Variants in PEX26 observed in about 807,000 individuals in gnomAD.
PEX26 encodes the protein peroxisomal biogenesis factor 26, also known as peroxisome assembly protein 26.
PEX26 carries 18 observed loss-of-function variants against 31.4 expected under a neutral mutation model. The observed-to-expected ratio is 0.57, with a 90% CI of 0.40 to 0.85. PEX26 has a LOEUF of 0.85. PEX26 is among the 40% of genes least tolerant of loss of function. The pLI is 0.00. For synonymous variants in PEX26, 176 were observed against 166.9 expected (o/e 1.05, Z -0.42); for missense variants, 377 against 383.9 (o/e 0.98, Z 0.15).
Position 18,088,114 on chromosome 22 carries a change from C to G in PEX26, c.*39C>G, listed in dbSNP as rs779384079. On this transcript the variant is annotated 3_prime_UTR_variant, in exon 5 of 5. Coordinates refer to ENST00000399744, the MANE Select transcript of PEX26 (RefSeq NM_001127649.3). This position sits in a 1 kb window ranked among gnomAD's most constrained non-coding sequence, Gnocchi z 4.1. ...CCACAGCCTCTCTGCTCCTCACGTC[C>G]GTGGCCACAGAAGCAGAGCGACAGA... 2 of 1,343,694 alleles carry G rather than the reference C, an allele frequency of 1.5e-6. No individual in the cohort carries two copies. The highest frequency in any genetic ancestry group is 1.4e-5 in the African/African-American group (1 of 69,756). The allele number at this position is 1,343,694 out of a possible 1,614,324, so 83.2% of individuals were successfully genotyped here. A position where few individuals can be genotyped will look rare whatever the true frequency, so the allele number is the denominator to read the frequency against.
At chr22:18,083,401 T>C in intron 2 of PEX26, 36 bp from the exon 3 acceptor site, 2 of 1,608,140 alleles carry the variant, frequency 1.2e-6, no homozygotes, top group African/African-American at 1.3e-5. Context: ...GCACTGACTC[T>C]TCTTTTGTTG....
chr22:18,079,173 A>G (rs3747036), intron 1 of PEX26: 7 of 980,730 alleles, frequency 7.1e-6, no homozygotes, highest in Middle Eastern at 5.2e-4. Flanking sequence ...CTTCTCTACC[A>G]AAAAGAAGAA....
rs1196003174 is a variant in PEX26, at chr22:18,103,757, G to A, written c.*15682G>A. 1 of 152,566 alleles carries A rather than the reference G, an allele frequency of 6.6e-6. No homozygotes were observed. Among genetic ancestry groups the A allele is most frequent in the Non-Finnish European group, 1.5e-5 (1 of 68,318 alleles). 9.5% of individuals were successfully genotyped at this position (152,566 alleles called of 1,614,324 possible). A position where few individuals can be genotyped will look rare whatever the true frequency, so the allele number is the denominator to read the frequency against. ...AGAGCCTGGCAGCCTGCCCGGAGGA[G>A]GCTTCTTGGCCCAGCCCGGTCAACA... is the stretch of plus-strand genomic sequence containing the variant. On this transcript the variant is annotated 3_prime_UTR_variant, in exon 5 of 5. Coordinates refer to ENST00000399744, the MANE Select transcript of PEX26 (RefSeq NM_001127649.3).
At position 18,092,804 on chromosome 22, in the gene PEX26, G is replaced by T. The variant is rs1257107333; in HGVS notation, c.*4729G>T. ...CAAAGCTAGCCTGGGCAACCTAGTG[G>T]GACCCCATTTCTTTTTTTTGGGGGG... On this transcript the variant is annotated 3_prime_UTR_variant, in exon 5 of 5. Transcript: ENST00000399744. 1 of 72,480 alleles carries T rather than the reference G, an allele frequency of 1.4e-5. No homozygotes were observed. Among genetic ancestry groups the T allele is most frequent in the African/African-American group, 5.0e-5 (1 of 19,840 alleles). The allele number at this position is 72,480 out of a possible 1,614,324, so 4.5% of individuals were successfully genotyped here.
At chr22:18,084,359 C>A (rs367782144) in intron 3 of PEX26, among the ~76,000 whole-genome samples, 5 of 151,778 alleles carry the variant, frequency 3.3e-5, no homozygotes, top group Non-Finnish European at 1.5e-5. Context: ...ATTCTCCTGC[C>A]TCAGCCTCCT....
At position 18,089,694 on chromosome 22, in the gene PEX26, TTTTG is replaced by T. The variant is rs375436648; in HGVS notation, c.*1643_*1646del. ...TTGCAAGGCAACAAGTTTTCTTTTG[TTTTG>T]TTTGTTTGTTTGTTTGTTTGTTTTT... On this transcript the variant is annotated 3_prime_UTR_variant, in exon 5 of 5. Transcript: ENST00000399744. 1.1e-3 allele frequency: 137 copies of T among 124,718 alleles called. No homozygotes were observed. The highest frequency in any genetic ancestry group is 3.5e-3 in the Middle Eastern group (1 of 282). The allele number at this position is 124,718 out of a possible 1,614,324, so 7.7% of individuals were successfully genotyped here. A position where few individuals can be genotyped will look rare whatever the true frequency, so the allele number is the denominator to read the frequency against.
rs946037279 is a variant in PEX26 at position 18,103,678 on chromosome 22, C to G, written c.*15603C>G. ...GGCTGGTGGCCCTCCACCCTGCCCA[C>G]AGCCCGGCCAGCTCAGCCCCGTCTC... On this transcript the variant is annotated 3_prime_UTR_variant, in exon 5 of 5. Transcript: ENST00000399744. The G allele has an allele frequency of 2.6e-5, 4 of 152,320 alleles. No homozygotes were observed. Among genetic ancestry groups the G allele is most frequent in the Admixed American group, 6.6e-5 (1 of 15,258 alleles). The allele number at this position is 152,320 out of a possible 1,614,324, so 9.4% of individuals were successfully genotyped here. A position where few individuals can be genotyped will look rare whatever the true frequency, so the allele number is the denominator to read the frequency against.
In PEX26 at chr22:18,101,809, TG is replaced by T; in HGVS notation, c.*13738del. On this transcript the variant is annotated 3_prime_UTR_variant, in exon 5 of 5. Coordinates refer to ENST00000399744, the MANE Select transcript of PEX26 (RefSeq NM_001127649.3). ...TTTCCTTGGTCATTAACCTGAGGTC[TG>T]GGGCCTTTAAAGCTATTGAGGAGCC... 5.7e-6 allele frequency: 1 copy of T among 176,580 alleles called. No individual in the cohort carries two copies. Among genetic ancestry groups the T allele is most frequent in the Non-Finnish European group, 1.2e-5 (1 of 84,334 alleles). The allele number at this position is 176,580 out of a possible 1,614,324, so 10.9% of individuals were successfully genotyped here. A position where few individuals can be genotyped will look rare whatever the true frequency, so the allele number is the denominator to read the frequency against.
At position 18,102,013 on chromosome 22, in the gene PEX26, A is replaced by G. The variant is rs1437492751; in HGVS notation, c.*13938A>G. On this transcript the variant is annotated 3_prime_UTR_variant, in exon 5 of 5. Transcript: ENST00000399744. ...TTCAGGTATGGAGATGTCAGTGTCT[A>G]ACTTTCTTCTAGTCTTTGCAATTTC... 3 of 152,516 alleles carry G rather than the reference A, an allele frequency of 2.0e-5. No individual in the cohort carries two copies. Among genetic ancestry groups the G allele is most frequent in the African/African-American group, 2.4e-5 (1 of 41,464 alleles). The allele number at this position is 152,516 out of a possible 1,614,324, so 9.4% of individuals were successfully genotyped here. A position where few individuals can be genotyped will look rare whatever the true frequency, so the allele number is the denominator to read the frequency against.
chr22:18,081,053 T>G (rs1926562381), intron 2 of PEX26, among the ~76,000 whole-genome samples: 1 of 151,962 alleles, frequency 6.6e-6, no homozygotes, highest in South Asian at 2.1e-4. Context: ...TATCTTTCTG[T>G]GCCTGGCTTA....
At position 18,079,959 on chromosome 22, in the gene PEX26, G is replaced by A; in HGVS notation, c.316G>A (p.Val106Ile). 6.2e-7 allele frequency: 1 copy of A among 1,614,110 alleles called. No individual in the cohort carries two copies. The highest frequency in any genetic ancestry group is 1.1e-5 in the South Asian group (1 of 91,078). The change falls in exon 2 of 5, where the codon GTC becomes ATC. Residue 106 changes from valine (V) to isoleucine (I), a missense_variant. Transcript: ENST00000399744. ...TCGGTGGCAAGAAGTCCTCTCCTGG[G>A]TCCTTCAGTATTACCAGGTCCCTGA... ...MDRWQEVLSWVLQYYQVPEKL... is the reference protein window; with the variant it reads ...MDRWQEVLSWILQYYQVPEKL...
chr22:18,084,105 T>TAGCCAAAGGAATATCAGAAAC (rs1165218714), intron 3 of PEX26, among the ~76,000 whole-genome samples: 3 of 152,214 alleles, frequency 2.0e-5, no homozygotes, highest in Non-Finnish European at 4.4e-5. Flanking sequence ...TCTGCTGGGA[T>TAGCCAAAGGAATATCAGAAAC]AGCCAAAGGA....
rs551956896 is a variant in PEX26 at position 18,094,379 on chromosome 22, T to C, written c.*6304T>C. 6.6e-6 allele frequency: 1 copy of C among 152,376 alleles called. No individual in the cohort carries two copies. Among genetic ancestry groups the C allele is most frequent in the East Asian group, 1.9e-4 (1 of 5,174 alleles). 9.4% of individuals were successfully genotyped at this position (152,376 alleles called of 1,614,324 possible). Reference sequence around the variant, plus strand: ...GGCGCCCGCCACCACGCCTGGCTAATTTTTTGGTATTTTTAGTAGAGACTG... The same window carrying C: ...GGCGCCCGCCACCACGCCTGGCTAACTTTTTGGTATTTTTAGTAGAGACTG... On this transcript the variant is annotated 3_prime_UTR_variant, in exon 5 of 5. Coordinates refer to ENST00000399744, the MANE Select transcript of PEX26 (RefSeq NM_001127649.3).
Position 18,098,427 on chromosome 22 carries a change from A to C in PEX26, c.*10352A>C, listed in dbSNP as rs1927357562. ...TGCAATCCCAGCACTTCGGGAGGCC[A>C]AGACCAGCCTGGCCAACATGATGAA... is the stretch of plus-strand genomic sequence containing the variant. On this transcript the variant is annotated 3_prime_UTR_variant, in exon 5 of 5. Coordinates refer to ENST00000399744, the MANE Select transcript of PEX26 (RefSeq NM_001127649.3). The C allele has an allele frequency of 6.7e-6, 1 of 149,754 alleles. No homozygotes were observed. Among genetic ancestry groups the C allele is most frequent in the Non-Finnish European group, 1.5e-5 (1 of 67,272 alleles). The allele number at this position is 149,754 out of a possible 1,614,324, so 9.3% of individuals were successfully genotyped here.
At position 18,100,239 on chromosome 22, in the gene PEX26, C is replaced by A. The variant is rs1178996126; in HGVS notation, c.*12164C>A. On this transcript the variant is annotated 3_prime_UTR_variant, in exon 5 of 5. Coordinates refer to ENST00000399744, the MANE Select transcript of PEX26 (RefSeq NM_001127649.3). ...GACAGGCATGCACCACCATGCCCAG[C>A]TAATTTTATATTTTTAGTAGAGGCA... is the stretch of plus-strand genomic sequence containing the variant. The A allele has an allele frequency of 6.6e-6, 1 of 152,012 alleles. No homozygotes were observed. The highest frequency in any genetic ancestry group is 1.5e-5 in the Non-Finnish European group (1 of 68,014). 9.4% of individuals were successfully genotyped at this position (152,012 alleles called of 1,614,324 possible). A position where few individuals can be genotyped will look rare whatever the true frequency, so the allele number is the denominator to read the frequency against.
rs1927081613 is a variant in PEX26, at chr22:18,091,138, G to T, written c.*3063G>T. 1 of 152,204 alleles carries T rather than the reference G, an allele frequency of 6.6e-6. No individual in the cohort carries two copies. Among genetic ancestry groups the T allele is most frequent in the Non-Finnish European group, 1.5e-5 (1 of 68,072 alleles). The allele number at this position is 152,204 out of a possible 1,614,324, so 9.4% of individuals were successfully genotyped here. ...TCCCCTCAGCCTCTGGAGTAGCTGG[G>T]CCTACAGTGTGTGCTGCCACACCCA... On this transcript the variant is annotated 3_prime_UTR_variant, in exon 5 of 5. Coordinates refer to ENST00000399744, the MANE Select transcript of PEX26 (RefSeq NM_001127649.3).
intron 4 of PEX26, 38 bp from the exon 5 acceptor site, chr22:18,087,934 G>C (rs369484885): frequency 2.3e-5 from 29 of 1,267,188 alleles, no homozygotes; most frequent in Non-Finnish European, 3.0e-5. Context: ...CAGGTGAGAG[G>C]GGTGGGACGT....
At chr22:18,087,086 A>T (rs1926871162) in intron 4 of PEX26, among the ~76,000 whole-genome samples, 1 of 150,810 alleles carries the variant, frequency 6.6e-6, no homozygotes, top group African/African-American at 2.4e-5. Context: ...CTAATTTTTT[A>T]TTTTTATTTT....
In PEX26 at chr22:18,078,439, C is replaced by A; in HGVS notation, c.63C>A (p.Ser21Arg). ...PLRGLGGPLR[S>R]SEPVRAVPAR... ...GGGGGCTCGGGGGACCCCTGCGCAG[C>A]AGCGAGCCGGTGCGCGCGGTCCCGG... The change falls in exon 1 of 5, where the codon AGC becomes AGA. Residue 21 changes from serine to arginine, a missense_variant. Transcript: ENST00000399744. 1 of 1,574,448 alleles carries A rather than the reference C, an allele frequency of 6.4e-7. No homozygotes were observed. Among genetic ancestry groups the A allele is most frequent in the African/African-American group, 1.4e-5 (1 of 74,046 alleles).
Sources: gnomAD v4.1 joint callset for allele counts (sites outside exome capture counted in the v4.1 genomes callset) on GRCh38, gnomAD v4.1.1 for gene constraint, Gnocchi (gnomAD v3.1) non-coding constraint, MANE v1.5 for transcripts, NCBI Gene and HGNC (gene_info 2026-07-23, HGNC 2026-07-21) for gene names.